Variants in GPM6B observed in about 807,000 individuals in gnomAD.
The protein encoded by GPM6B is neuronal membrane glycoprotein M6-b.
In GPM6B, 4 loss-of-function variants were observed where a neutral mutation model predicts 27.2. That is an observed-to-expected ratio of 0.15 (90% CI 0.07 to 0.34). The LOEUF is 0.34. Ranked by LOEUF, GPM6B falls within the 10% of genes least tolerant of loss-of-function variation. The pLI, the probability that GPM6B is intolerant of heterozygous loss-of-function variation, is 1.00. For missense variants in GPM6B, 183 were observed against 261.9 expected, an observed-to-expected ratio of 0.70 and a Z score of 2.08; for synonymous variants, 124 against 103.1, an observed-to-expected ratio of 1.20 and a Z score of -1.23.
intron 2 of GPM6B, among the ~76,000 whole-genome samples, chrX:13,789,836 GT>G (rs765519143): frequency 9.4e-5 from 10 of 106,207 alleles, no homozygotes; most frequent in African/African-American, 2.0e-4. Context: ...AAGCCACTGC[GT>G]TTTTTTTTTG....
upstream of GPM6B, among the ~76,000 whole-genome samples, chrX:13,819,194 G>A (rs2049280778): frequency 8.9e-6 from 1 of 112,156 alleles, no homozygotes; most frequent in African/African-American, 3.2e-5. Flanking sequence ...CATCACTTTT[G>A]CCTGATTCAC....
intron 2 of GPM6B, among the ~76,000 whole-genome samples, chrX:13,803,175 G>A (rs2048954639): frequency 9.0e-6 from 1 of 111,416 alleles, no homozygotes; most frequent in Admixed American, 9.5e-5. Flanking sequence ...GAAGTCCCAG[G>A]CTCAGCCTAG....
chrX:13,828,957 G>A lies in GPM6B; in HGVS notation c.-197-43149C>T, dbSNP rs183547149. 5.4e-3 allele frequency among the ~76,000 whole-genome samples: 602 copies of A among 111,714 alleles called. 4 individuals carry two copies. Among genetic ancestry groups the A allele is most frequent in the Non-Finnish European group, 8.9e-3 (470 of 53,101 alleles). Reference sequence around the variant, plus strand: ...AGAAGCTGAGCTGAACCTTGACTCAGGCCACTGGATGCCAGAGTAGGGAAA... The same window carrying A: ...AGAAGCTGAGCTGAACCTTGACTCAAGCCACTGGATGCCAGAGTAGGGAAA... On this transcript the variant is annotated intron_variant, in intron 1 of 6. Coordinates refer to the GPM6B transcript ENST00000398361.
intron 1 of GPM6B, among the ~76,000 whole-genome samples, chrX:13,933,526 C>T (rs748567333): frequency 8.9e-6 from 1 of 111,929 alleles, no homozygotes; most frequent in Non-Finnish European, 1.9e-5. Flanking sequence ...GGTGTTTGTT[C>T]CCAAACCTGT....
At chrX:13,775,750 A>G (rs762724599) in intron 7 of GPM6B, among the ~76,000 whole-genome samples, 1 of 112,595 alleles carries the variant, frequency 8.9e-6, no homozygotes, top group Non-Finnish European at 1.9e-5. Context: ...AAACCTAGCC[A>G]TGTATTTCCC....
intron 1 of GPM6B, among the ~76,000 whole-genome samples, chrX:13,848,848 A>G (rs1414377361): frequency 5.3e-5 from 6 of 112,567 alleles, no homozygotes; most frequent in African/African-American, 6.5e-5. Flanking sequence ...AATATGGTCA[A>G]TCCACACTGT....
chrX:13,779,135 C>T (rs971851939), intron 5 of GPM6B, among the ~76,000 whole-genome samples: 1 of 111,272 alleles, frequency 9.0e-6, no homozygotes, highest in Non-Finnish European at 1.9e-5. Context: ...ACTCAGCTGC[C>T]CTCTCTTACT....
chrX:13,773,979 T>TTTTTA, intron 7 of GPM6B: 1 of 689,736 alleles, frequency 1.4e-6, no homozygotes, highest in Non-Finnish European at 1.7e-6. Flanking sequence ...TTTTTTTTTT[T>TTTTTA]CCAGAGAACT....
intron 1 of GPM6B, among the ~76,000 whole-genome samples, chrX:13,887,094 C>CA (rs1482988293): frequency 1.8e-5 from 2 of 112,442 alleles, no homozygotes; most frequent in African/African-American, 6.5e-5. Flanking sequence ...GCTGGGATTA[C>CA]AGGCGTGAGT....
At chrX:13,853,920 G>A (rs2049750830) in intron 1 of GPM6B, among the ~76,000 whole-genome samples, 1 of 112,185 alleles carries the variant, frequency 8.9e-6, no homozygotes, top group Non-Finnish European at 1.9e-5. Flanking sequence ...TATCACTGCA[G>A]GGAACTGCTT....
chrX:13,938,110 G>C (rs893941746), intron 1 of GPM6B, among the ~76,000 whole-genome samples: 2 of 110,275 alleles, frequency 1.8e-5, no homozygotes, highest in African/African-American at 3.3e-5. Context: ...CTGGGAGCTC[G>C]GGCGACAGGG....
At chrX:13,857,620 T>C (rs1270342542) in intron 1 of GPM6B, among the ~76,000 whole-genome samples, 1 of 112,545 alleles carries the variant, frequency 8.9e-6, no homozygotes, top group Non-Finnish European at 1.9e-5. Flanking sequence ...CTAGCATGTT[T>C]TACATAACTC....
chrX:13,798,013 G>A (rs2048848490), intron 2 of GPM6B, among the ~76,000 whole-genome samples: 1 of 110,099 alleles, frequency 9.1e-6, no homozygotes, highest in African/African-American at 3.3e-5. Context: ...GGAAAGAGTT[G>A]GGAGTGGCAG....
rs1436694032 is a variant in GPM6B, at chrX:13,891,901, G to T, written c.-198+46426C>A. ...AAAAGTATGCCAGTCACTGCATAAT[G>T]AATTCTCCACTGGCTGCCAAATAGG... is the stretch of plus-strand genomic sequence containing the variant. On this transcript the variant is annotated intron_variant, in intron 1 of 6. Coordinates refer to the GPM6B transcript ENST00000398361. Among the ~76,000 whole-genome samples, 5 of 111,783 alleles carry T rather than the reference G, an allele frequency of 4.5e-5. No homozygotes were observed. In the South Asian group the frequency reaches 1.9e-3, roughly 42 times the overall value.
At chrX:13,785,954 G>A (rs1309200872) in intron 2 of GPM6B, 146 bp from the exon 3 acceptor site, 3 of 468,820 alleles carry the variant, frequency 6.4e-6, no homozygotes, top group Non-Finnish European at 1.1e-5. Context: ...GACATCCCAA[G>A]GGCCAGTGTG....
intron 2 of GPM6B, among the ~76,000 whole-genome samples, chrX:13,791,428 A>C (rs778298168): frequency 2.7e-5 from 3 of 111,481 alleles, no homozygotes; most frequent in Non-Finnish European, 5.7e-5. Context: ...CCAGGCTAGA[A>C]TGCCAGGCTT....
intron 1 of GPM6B, among the ~76,000 whole-genome samples, chrX:13,913,575 T>G (rs766030053): frequency 3.6e-5 from 4 of 112,193 alleles, no homozygotes; most frequent in Non-Finnish European, 5.6e-5. Flanking sequence ...CAATTTACAC[T>G]GGTCAAAACA....
intron 1 of GPM6B, among the ~76,000 whole-genome samples, chrX:13,931,466 C>A (rs1416435145): frequency 1.2e-4 from 13 of 106,947 alleles, no homozygotes; most frequent in South Asian, 4.2e-4. Flanking sequence ...CCAGCCTGGG[C>A]TACAGAGTGA....
At chrX:13,901,306 A>T (rs770196686) in intron 1 of GPM6B, among the ~76,000 whole-genome samples, 1 of 111,284 alleles carries the variant, frequency 9.0e-6, no homozygotes, top group East Asian at 2.8e-4. Flanking sequence ...ACACAGGAAG[A>T]TGTGAGGGAA....
Sources: allele counts gnomAD v4.1 joint callset (sites outside exome capture counted in the v4.1 genomes callset), GRCh38; gene constraint gnomAD v4.1.1; transcripts MANE v1.5; gene names NCBI Gene and HGNC (gene_info 2026-07-23, HGNC 2026-07-21).